CCDC122: variants seen among roughly 807,000 people sequenced by gnomAD.
CCDC122 encodes the protein coiled-coil domain-containing protein 122.
CCDC122 carries 38 observed loss-of-function variants against 37.0 expected under a neutral mutation model. The ratio of observed to expected loss-of-function variants is 1.03; its 90% CI spans 0.79 to 1.35. CCDC122 has a LOEUF of 1.35. Ranked by LOEUF, CCDC122 falls within the 40% of genes most tolerant of loss-of-function variation. CCDC122 has a pLI of 0.00. For synonymous variants in CCDC122, 83 were observed against 95.6 expected (o/e 0.87, Z 0.77); for missense variants, 305 against 310.0 (o/e 0.98, Z 0.12).
intron 6 of CCDC122, chr13:43,848,881 A>G (rs906402278): frequency 5.1e-6 from 5 of 980,274 alleles, no homozygotes; most frequent in Non-Finnish European, 4.8e-6. Flanking sequence ...AGATATTCAG[A>G]AGAGATAGAA....
At chr13:43,877,323 A>G (rs1954644282) in intron 1 of CCDC122, among the ~76,000 whole-genome samples, 1 of 152,086 alleles carries the variant, frequency 6.6e-6, no homozygotes, top group African/African-American at 2.4e-5. Context: ...ATGAACACAC[A>G]GTTGTTTTAG....
downstream of CCDC122, among the ~76,000 whole-genome samples, chr13:43,833,418 T>G (rs2153868627): frequency 6.6e-6 from 1 of 152,296 alleles, no homozygotes; most frequent in East Asian, 1.9e-4. Flanking sequence ...AAATTATAGC[T>G]TTCCTTTGCA....
At chr13:43,826,363 C>G (rs953642810) in intron 3 of CCDC122, among the ~76,000 whole-genome samples, 1 of 152,168 alleles carries the variant, frequency 6.6e-6, no homozygotes, top group African/African-American at 2.4e-5. Flanking sequence ...AAAACACACA[C>G]TATCTCTTTG....
chr13:43,840,970 C>A (rs1327275186), intron 6 of CCDC122, among the ~76,000 whole-genome samples: 1 of 152,190 alleles, frequency 6.6e-6, no homozygotes, highest in East Asian at 1.9e-4. Flanking sequence ...ATGACTTCCA[C>A]AATGGTTTAA....
chr13:43,860,161 A>G, intron 4 of CCDC122, 91 bp from the exon 5 acceptor site: 1 of 580,622 alleles, frequency 1.7e-6, no homozygotes, highest in Admixed American at 4.2e-5. Flanking sequence ...ATATAGGAAA[A>G]ATCACTTATA....
chr13:43,833,486 C>T (rs1005534818), downstream of CCDC122, among the ~76,000 whole-genome samples: 1 of 152,120 alleles, frequency 6.6e-6, no homozygotes, highest in African/African-American at 2.4e-5. Context: ...CACTGAGAAC[C>T]TTGGAAGAAT....
chr13:43,846,953 G>A (rs544804361), intron 6 of CCDC122, among the ~76,000 whole-genome samples: 12 of 152,234 alleles, frequency 7.9e-5, no homozygotes, highest in East Asian at 5.8e-4. Context: ...AAAGTATTAC[G>A]TAACAGAAAG....
chr13:43,846,881 G>A (rs1953555871), intron 6 of CCDC122, among the ~76,000 whole-genome samples: 1 of 151,324 alleles, frequency 6.6e-6, no homozygotes, highest in South Asian at 2.1e-4. Context: ...CCACAAGACA[G>A]TATAAAATTA....
chr13:43,827,695 C>G (rs1315987823), intron 3 of CCDC122, among the ~76,000 whole-genome samples: 1 of 152,198 alleles, frequency 6.6e-6, no homozygotes, highest in Non-Finnish European at 1.5e-5. Context: ...TACAGAAGTT[C>G]TGCAGGGCTG....
At chr13:43,869,874 T>A (rs192192660) in intron 2 of CCDC122, among the ~76,000 whole-genome samples, 27 of 152,212 alleles carry the variant, frequency 1.8e-4, no homozygotes, top group African/African-American at 5.8e-4. Flanking sequence ...TGATTAACAA[T>A]TTCTGCTATG....
At chr13:43,877,606 T>C (rs977760564) in intron 1 of CCDC122, 3 of 152,310 alleles carry the variant, frequency 2.0e-5, no homozygotes, top group Non-Finnish European at 4.4e-5. Context: ...GGGAAGATTA[T>C]GTTTGAGCTT....
chr13:43,835,517 T>C (rs1953140547), downstream of CCDC122, among the ~76,000 whole-genome samples: 2 of 152,152 alleles, frequency 1.3e-5, no homozygotes, highest in South Asian at 4.1e-4. Context: ...TTGACTGTCA[T>C]AAAATGTAAA....
At position 43,837,062 on chromosome 13, in the gene CCDC122, C is replaced by G. The variant is rs868643355; in HGVS notation, c.*218G>C. On this transcript the variant is annotated 3_prime_UTR_variant, in exon 7 of 7. Transcript: ENST00000444614. ...GACTCTTGCATTATTTTCCCGTAGA[C>G]ATTCCTATTGTCTGTCTACTGCTAT... is the stretch of plus-strand genomic sequence containing the variant. 3.2e-4 allele frequency: 152 copies of G among 481,068 alleles called. No individual in the cohort carries two copies. The Middle Eastern group carries it at 8.6e-3, about 27-fold the overall frequency. 29.8% of individuals were successfully genotyped at this position (481,068 alleles called of 1,614,324 possible). A position where few individuals can be genotyped will look rare whatever the true frequency, so the allele number is the denominator to read the frequency against.
intron 6 of CCDC122, among the ~76,000 whole-genome samples, chr13:43,837,953 G>A (rs552755989): frequency 6.6e-6 from 1 of 152,176 alleles, no homozygotes; most frequent in South Asian, 2.1e-4. Flanking sequence ...AGACTCAGTC[G>A]ACCACAGCAG....
chr13:43,859,262 T>C (rs1390439525), intron 5 of CCDC122, among the ~76,000 whole-genome samples: 1 of 152,178 alleles, frequency 6.6e-6, no homozygotes, highest in Non-Finnish European at 1.5e-5. Flanking sequence ...AGTAAGATGC[T>C]TAAGGTTCAG....
At chr13:43,876,110 T>G (rs4942253) in intron 1 of CCDC122, among the ~76,000 whole-genome samples, 135,766 of 152,144 alleles carry the variant, frequency 0.89, 61,349 homozygotes, top group South Asian at 0.98. Flanking sequence ...ACCACCAAAA[T>G]GTGCAAGGTG....
At chr13:43,835,148 A>C (rs906636526), downstream of CCDC122, among the ~76,000 whole-genome samples, 2 of 152,206 alleles carry the variant, frequency 1.3e-5, no homozygotes, top group African/African-American at 4.8e-5. Flanking sequence ...TGATGAGTTC[A>C]TGTCCTTTGT....
rs567139300 is a variant in CCDC122 at position 43,861,207 on chromosome 13, C to T, written c.157-1137G>A. Among the ~76,000 whole-genome samples, 6 of 152,216 alleles carry T rather than the reference C, an allele frequency of 3.9e-5. No homozygotes were observed. In the South Asian group the frequency reaches 1.0e-3, roughly 26 times the overall value. The stretch of plus-strand genomic sequence containing the variant: ...CTCCAATGGGCCAACCCAGGCATGT[C>T]TTATGATAATAATAGATGCAGAAGA... On this transcript the variant is annotated intron_variant, in intron 4 of 6. Transcript: ENST00000444614.
chr13:43,869,909 A>T (rs929216799), intron 2 of CCDC122, among the ~76,000 whole-genome samples: 1 of 151,964 alleles, frequency 6.6e-6, no homozygotes, highest in Non-Finnish European at 1.5e-5. Context: ...GAAATATAGC[A>T]CTCCTGTCCA....
Sources: allele counts gnomAD v4.1 joint callset (sites outside exome capture counted in the v4.1 genomes callset), GRCh38; gene constraint gnomAD v4.1.1; transcripts MANE v1.5; gene names NCBI Gene and HGNC (gene_info 2026-07-23, HGNC 2026-07-21).